The following PRAG1 variants were observed in gnomAD, a reference collection of about 807,000 sequenced individuals.
PRAG1 encodes the protein PEAK1 related, kinase-activating pseudokinase 1, also known as inactive tyrosine-protein kinase PRAG1.
Under a neutral mutation model 95.6 loss-of-function variants are expected in PRAG1, and 110 were observed. The ratio of observed to expected loss-of-function variants is 1.15; its 90% CI spans 0.99 to 1.35. The LOEUF (loss-of-function observed/expected upper bound fraction) is 1.35, where lower values mean the gene tolerates loss of function less well. Among genes scored for constraint, PRAG1 ranks in the 40% most tolerant of loss-of-function variants. The pLI is 0.00. For missense variants in PRAG1, 2,554 were observed against 1,864.7 expected (o/e 1.37, Z -6.81); for synonymous variants, 1,052 against 819.4 (o/e 1.28, Z -4.85).
Position 8,325,237 on chromosome 8 carries a change from C to G in PRAG1, c.3072+2473G>C, listed in dbSNP as rs186811864. ...CTCCAGGGCCCCCACGGCCCGCCCC[C>G]CCAATGACCAGGCCAGGCACATTTG... On this transcript the variant is annotated intron_variant, in intron 5 of 5. Transcript: ENST00000615670. 4.4e-4 allele frequency among the ~76,000 whole-genome samples: 67 copies of G among 152,344 alleles called. 2 individuals are homozygous for G. The South Asian group carries it at 0.011, about 25-fold the overall frequency.
At chr8:8,374,748 G>A in intron 3 of PRAG1, 1 of 979,064 alleles carries the variant, frequency 1.0e-6, no homozygotes. Context: ...TCCATGGTGG[G>A]CGGCCAGTGC....
At chr8:8,378,854 T>G (rs1197383947) in intron 2 of PRAG1, among the ~76,000 whole-genome samples, 1 of 113,616 alleles carries the variant, frequency 8.8e-6, no homozygotes, top group Non-Finnish European at 1.7e-5. Context: ...TGCCAGACCC[T>G]GTACCAAAAA....
chr8:8,370,533 T>G (rs1012756670), intron 3 of PRAG1, among the ~76,000 whole-genome samples: 1 of 152,238 alleles, frequency 6.6e-6, no homozygotes, highest in African/African-American at 2.4e-5. Flanking sequence ...AAGGCCGTTA[T>G]GCATCAAGAG....
intron 3 of PRAG1, among the ~76,000 whole-genome samples, chr8:8,363,913 C>G (rs917101888): frequency 6.6e-6 from 1 of 152,104 alleles, no homozygotes; most frequent in African/African-American, 2.4e-5. Context: ...ACCCATGTTT[C>G]TGGACATATT....
At position 8,319,266 on chromosome 8, in the gene PRAG1, A is replaced by C. The variant is rs891509713; in HGVS notation, c.3109T>G (p.Cys1037Gly). The C allele has an allele frequency of 1.3e-6, 2 of 1,527,262 alleles. No homozygotes were observed. Among genetic ancestry groups the C allele is most frequent in the African/African-American group, 2.7e-5 (2 of 72,866 alleles). 94.6% of individuals were successfully genotyped at this position (1,527,262 alleles called of 1,614,324 possible). The change falls in exon 6 of 6, where the codon TGC (cysteine) becomes GGC (glycine). Residue 1037 changes from cysteine to glycine, a missense_variant. Transcript: ENST00000615670. ...AAGTGCACGGGCACGGACGGGCTGC[A>C]GTAGGAGACTGTTTTGGGCTCAGGG... ...KAPEPKTVSY[C>G]SPSVPVHFNI...
intron 4 of PRAG1, among the ~76,000 whole-genome samples, chr8:8,338,539 CTGT>C (rs755162751): frequency 1.3e-5 from 2 of 152,190 alleles, no homozygotes; most frequent in Non-Finnish European, 2.9e-5. Context: ...AAAAGAAAAT[CTGT>C]TGTTGCTACA....
chr8:8,345,627 C>T (rs774929257), intron 3 of PRAG1, among the ~76,000 whole-genome samples: 51 of 151,966 alleles, frequency 3.4e-4, no homozygotes, highest in Non-Finnish European at 5.9e-4. Flanking sequence ...CCCACCTCCA[C>T]TAAAAACAAA....
rs181419144 is a variant in PRAG1, at chr8:8,330,772, C to T, written c.2321-2311G>A. On this transcript the variant is annotated intron_variant, in intron 4 of 5. Transcript: ENST00000615670. ...ACGCTCCCCAGGAAAGCAATGGGGA[C>T]AGACGGAGGCTAGGGCAGATGATTC... 2.0e-5 allele frequency among the ~76,000 whole-genome samples: 3 copies of T among 152,296 alleles called. No homozygotes were observed. The East Asian group carries it at 5.8e-4, about 29-fold the overall frequency.
In PRAG1 at chr8:8,376,591, GATA is replaced by G; in HGVS notation, c.1815_1817del (p.Ile606del). 6.2e-7 allele frequency: 1 copy of G among 1,605,384 alleles called. No homozygotes were observed. The highest frequency in any genetic ancestry group is 8.5e-7 in the Non-Finnish European group (1 of 1,174,752). ...GCTGGGGACACCTGGATGGGTCACT[GATA>G]GCGACACCGTTGGTCCGGCAGGAAG... is the stretch of plus-strand genomic sequence containing the variant. On this transcript the variant is annotated inframe_deletion, in exon 3 of 6. Coordinates refer to ENST00000615670, the MANE Select transcript of PRAG1 (RefSeq NM_001080826.3).
chr8:8,381,714 G>C lies in PRAG1; in HGVS notation c.34C>G (p.Leu12Val), dbSNP rs1437081368. Residue 12 changes from leucine to valine, a missense_variant, in exon 2 of 6, where the codon CTG (leucine) becomes GTG (valine). Coordinates refer to ENST00000615670, the MANE Select transcript of PRAG1 (RefSeq NM_001080826.3). ...HQTLCLNPES[L>V]KMSACSDFVE... ...AAGTCACTGCACGCAGACATTTTCA[G>C]GCTCTCGGGGTTCAGGCAGAGGGTC... is the stretch of plus-strand genomic sequence containing the variant. The C allele has an allele frequency of 6.2e-7, 1 of 1,603,172 alleles. No individual in the cohort carries two copies. Among genetic ancestry groups the C allele is most frequent in the Non-Finnish European group, 8.5e-7 (1 of 1,171,786 alleles).
chr8:8,324,066 C>G (rs1798554104), intron 5 of PRAG1, among the ~76,000 whole-genome samples: 1 of 152,180 alleles, frequency 6.6e-6, no homozygotes, highest in African/African-American at 2.4e-5. Context: ...AGGCATGGCT[C>G]TCAGCGCCAG....
intron 3 of PRAG1, among the ~76,000 whole-genome samples, chr8:8,358,676 T>C (rs142549467): frequency 6.6e-6 from 1 of 152,348 alleles, no homozygotes; most frequent in East Asian, 1.9e-4. Flanking sequence ...AATTTTACTT[T>C]CTGCAGAAAG....
intron 4 of PRAG1, among the ~76,000 whole-genome samples, chr8:8,336,922 A>AC (rs1240876608): frequency 3.2e-4 from 2 of 6,342 alleles, no homozygotes; most frequent in African/African-American, 1.4e-3. Context: ...CCCTCCCCCC[A>AC]CCTCCGACAT....
At chr8:8,335,711 C>T (rs1021708767) in intron 4 of PRAG1, among the ~76,000 whole-genome samples, 1 of 152,126 alleles carries the variant, frequency 6.6e-6, no homozygotes. Context: ...CACTTCCACC[C>T]CTCCCCACCC....
At chr8:8,362,141 T>A (rs948489406) in intron 3 of PRAG1, among the ~76,000 whole-genome samples, 2 of 152,246 alleles carry the variant, frequency 1.3e-5, no homozygotes, top group African/African-American at 4.8e-5. Context: ...TCGTCCTACC[T>A]GGCTGCTTCC....
chr8:8,374,971 T>G (rs1800330615), intron 3 of PRAG1, among the ~76,000 whole-genome samples: 1 of 152,094 alleles, frequency 6.6e-6, no homozygotes, highest in Admixed American at 6.5e-5. Context: ...CGCTGTAATT[T>G]TTTGAAAAAC....
In PRAG1 at chr8:8,318,490, G is replaced by A; in HGVS notation, c.3885C>T (p.Leu1295=). Residue 1295 remains leucine (L), a synonymous_variant, in exon 6 of 6, where the codon CTC becomes CTT. Transcript: ENST00000615670. This position sits in a 1 kb window ranked among gnomAD's most constrained non-coding sequence, Gnocchi z 4.2. ...EDLPPLPALS[L]YSPGLQQLAH... is the part of the protein sequence containing the mutation. ...CCAGCTGCTGCAGGCCGGGTGAGTA[G>A]AGGGACAGCGCGGGCAGCGGCGGCA... 6.2e-7 allele frequency: 1 copy of A among 1,612,382 alleles called. No individual in the cohort carries two copies. The highest frequency in any genetic ancestry group is 2.2e-5 in the East Asian group (1 of 44,864).
intron 3 of PRAG1, among the ~76,000 whole-genome samples, chr8:8,357,944 T>G (rs1157091657): frequency 2.0e-5 from 3 of 152,230 alleles, no homozygotes; most frequent in African/African-American, 7.2e-5. Context: ...AAGCAATCAA[T>G]TCTGCAGCAA....
At chr8:8,360,301 C>G (rs529377557) in intron 3 of PRAG1, among the ~76,000 whole-genome samples, 25 of 152,270 alleles carry the variant, frequency 1.6e-4, no homozygotes, top group Non-Finnish European at 2.6e-4. Flanking sequence ...GCCCAGGGCC[C>G]CTTTTCTTCT....
Sources: allele counts gnomAD v4.1 joint callset (sites outside exome capture counted in the v4.1 genomes callset), GRCh38; gene constraint gnomAD v4.1.1; non-coding constraint Gnocchi (gnomAD v3.1); transcripts MANE v1.5; gene names NCBI Gene and HGNC (gene_info 2026-07-23, HGNC 2026-07-21).